The following OCA2 variants were observed in gnomAD, a reference collection of about 807,000 sequenced individuals.
The protein encoded by OCA2 is OCA2 melanosomal transmembrane protein, also known as P protein.
OCA2 carries 77 observed loss-of-function variants against 100.2 expected under a neutral mutation model. That is an observed-to-expected ratio of 0.77 (90% CI 0.64 to 0.93). OCA2 has a LOEUF of 0.93. OCA2 is among the 40% of genes least tolerant of loss of function. The pLI is 0.00. For synonymous variants in OCA2, 432 were observed against 439.2 expected (o/e 0.98, Z 0.21); for missense variants, 1,062 against 1,089.1 (o/e 0.98, Z 0.35).
chr15:28,014,812 G>A lies in OCA2; in HGVS notation c.1008C>T (p.Ala336=), dbSNP rs765934967. 1.9e-6 allele frequency: 3 copies of A among 1,613,998 alleles called. No individual in the cohort carries two copies. The South Asian group carries it at 3.3e-5, about 18-fold the overall frequency. The part of the protein sequence containing the change: ...SVETQVTIAT[A]ILAGVYALII... ...TCAGCGCGTAGACGCCCGCGAGGAT[G>A]GCCGTCGCGATGGTCACCTGGGTTT... Residue 336 remains alanine (A), a synonymous_variant, in exon 9 of 24, where the codon GCC becomes GCT. Transcript: ENST00000354638.
At chr15:28,097,594 G>A (rs532836769) in intron 1 of OCA2, among the ~76,000 whole-genome samples, 4 of 152,210 alleles carry the variant, frequency 2.6e-5, no homozygotes, top group Admixed American at 6.5e-5. Context: ...ACTCTCCCAA[G>A]AAACCTCATC....
chr15:27,995,347 T>C (rs1044188495), intron 9 of OCA2, among the ~76,000 whole-genome samples: 1 of 152,172 alleles, frequency 6.6e-6, no homozygotes, highest in African/African-American at 2.4e-5. Flanking sequence ...TCAGGATATA[T>C]CACATATTAG....
intron 19 of OCA2, among the ~76,000 whole-genome samples, chr15:27,872,677 CTTTTAATT>C (rs1195966519): frequency 6.6e-6 from 1 of 150,996 alleles, no homozygotes; most frequent in Non-Finnish European, 1.5e-5. Context: ...GCGCTTTTTT[CTTTTAATT>C]TTTTAATTTT....
chr15:27,999,065 G>A (rs1021074169), intron 9 of OCA2, among the ~76,000 whole-genome samples: 66 of 152,004 alleles, frequency 4.3e-4, no homozygotes, highest in Non-Finnish European at 7.9e-4. Context: ...GGGGAGAGGG[G>A]GGAGGGATAG....
intron 19 of OCA2, among the ~76,000 whole-genome samples, chr15:27,892,277 C>G (rs1034078935): frequency 2.0e-5 from 3 of 151,220 alleles, no homozygotes; most frequent in Non-Finnish European, 4.4e-5. Flanking sequence ...TTTCAAGTTC[C>G]CATGAAAGAT....
chr15:27,769,847 C>A (rs1207775066), intron 23 of OCA2, among the ~76,000 whole-genome samples: 1 of 149,390 alleles, frequency 6.7e-6, no homozygotes, highest in Non-Finnish European at 1.5e-5. Context: ...CCCCTTGAGG[C>A]CTGCCCTCCC....
the OCA2 span, among the ~76,000 whole-genome samples, chr15:27,745,306 AG>A: frequency 6.6e-6 from 1 of 152,200 alleles, no homozygotes; most frequent in Non-Finnish European, 1.5e-5. Context: ...CTCTGTTACA[AG>A]GGTTTGTAGT....
At chr15:27,857,347 A>G (rs2035981396) in intron 21 of OCA2, among the ~76,000 whole-genome samples, 1 of 152,216 alleles carries the variant, frequency 6.6e-6, no homozygotes, top group Non-Finnish European at 1.5e-5. Flanking sequence ...GGGCTTATCT[A>G]GAATATTTAA....
intron 23 of OCA2, among the ~76,000 whole-genome samples, chr15:27,813,260 C>A (rs903739969): frequency 6.6e-6 from 1 of 152,090 alleles, no homozygotes; most frequent in African/African-American, 2.4e-5. Context: ...GCAGGCTCTC[C>A]GGGGTCCCAG....
At chr15:27,733,843 A>C in the OCA2 span, among the ~76,000 whole-genome samples, 3 of 151,994 alleles carry the variant, frequency 2.0e-5, no homozygotes, top group Admixed American at 6.6e-5. Context: ...CATTTAAAAT[A>C]TTACATATTA....
At chr15:28,088,484 C>A (rs1204988931) in intron 1 of OCA2, among the ~76,000 whole-genome samples, 1 of 152,072 alleles carries the variant, frequency 6.6e-6, no homozygotes, top group African/African-American at 2.4e-5. Flanking sequence ...CACCAAGAAA[C>A]ATTATGGATA....
chr15:27,758,384 C>T (rs908981013), intron 23 of OCA2, among the ~76,000 whole-genome samples: 27 of 152,208 alleles, frequency 1.8e-4, no homozygotes, highest in African/African-American at 6.5e-4. Context: ...CAAGTGGGAA[C>T]CAGAACTTCC....
chr15:27,816,482 C>T (rs1174194552), intron 23 of OCA2, among the ~76,000 whole-genome samples: 4 of 152,190 alleles, frequency 2.6e-5, no homozygotes, highest in Non-Finnish European at 5.9e-5. Context: ...GACCAGACAC[C>T]ATGTCCCATT....
At chr15:27,883,534 A>G (rs2037106879) in intron 19 of OCA2, among the ~76,000 whole-genome samples, 1 of 152,192 alleles carries the variant, frequency 6.6e-6, no homozygotes, top group Admixed American at 6.5e-5. Flanking sequence ...CTGACCACCT[A>G]GAGTCCTGGG....
chr15:27,793,844 G>C (rs183407728), intron 23 of OCA2, among the ~76,000 whole-genome samples: 1 of 152,276 alleles, frequency 6.6e-6, no homozygotes, highest in Admixed American at 6.5e-5. Context: ...GTGTTGCCAG[G>C]GGGCTGGGAG....
intron 22 of OCA2, among the ~76,000 whole-genome samples, chr15:27,846,377 C>T (rs1459942880): frequency 2.6e-5 from 4 of 152,122 alleles, no homozygotes; most frequent in Admixed American, 6.5e-5. Flanking sequence ...TGCTCAGCCC[C>T]AAGAATGCAC....
chr15:28,018,809 G>T (rs1237630408), intron 6 of OCA2, among the ~76,000 whole-genome samples: 1 of 152,144 alleles, frequency 6.6e-6, no homozygotes, highest in Admixed American at 6.5e-5. Flanking sequence ...CCAGGGAAAG[G>T]GTGCATCCTT....
chr15:28,021,506 T>C (rs2042592349), intron 6 of OCA2, among the ~76,000 whole-genome samples: 1 of 152,070 alleles, frequency 6.6e-6, no homozygotes, highest in African/African-American at 2.4e-5. Flanking sequence ...AGCCAGAAAA[T>C]GTAGACATTG....
intron 23 of OCA2, among the ~76,000 whole-genome samples, chr15:27,826,001 G>A (rs1489539058): frequency 6.6e-6 from 1 of 152,242 alleles, no homozygotes; most frequent in African/African-American, 2.4e-5. Flanking sequence ...TTGACTGGGT[G>A]TGAGAGCTGA....
Sources: allele counts gnomAD v4.1 joint callset (sites outside exome capture counted in the v4.1 genomes callset), GRCh38; gene constraint gnomAD v4.1.1; transcripts MANE v1.5; gene names NCBI Gene and HGNC (gene_info 2026-07-23, HGNC 2026-07-21).